The following ARPC1B variants were observed in gnomAD, a reference collection of about 807,000 sequenced individuals.
The protein encoded by ARPC1B is actin-related protein 2/3 complex subunit 1B.
In ARPC1B, 29 loss-of-function variants were observed where a neutral mutation model predicts 46.0. The ratio of observed to expected loss-of-function variants is 0.63; its 90% CI spans 0.47 to 0.86. ARPC1B has a LOEUF of 0.86. Among genes scored for constraint, ARPC1B ranks in the 40% least tolerant of loss-of-function variants. The pLI, the probability that ARPC1B is intolerant of heterozygous loss-of-function variation, is 0.00. For synonymous variants in ARPC1B, 201 were observed against 213.9 expected (o/e 0.94, Z 0.53); for missense variants, 469 against 529.4 (o/e 0.89, Z 1.12).
intron 5 of ARPC1B, 73 bp downstream of exon 5, chr7:99,390,085 C>T (rs777893386): frequency 2.2e-4 from 298 of 1,361,740 alleles, no homozygotes; most frequent in Non-Finnish European, 3.0e-4. Flanking sequence ...GGGAGCCGCA[C>T]CTGAAAGCTC....
intron 1 of ARPC1B, among the ~76,000 whole-genome samples, chr7:99,377,031 A>T (rs1241182976): frequency 2.0e-5 from 3 of 151,862 alleles, no homozygotes; most frequent in Non-Finnish European, 4.4e-5. Context: ...TTTTTTCTGG[A>T]GTCCGGGTCT....
At chr7:99,377,017 T>G (rs563171478) in intron 1 of ARPC1B, among the ~76,000 whole-genome samples, 2 of 152,302 alleles carry the variant, frequency 1.3e-5, no homozygotes, top group East Asian at 3.9e-4. Context: ...ATAGGTCTTT[T>G]TCTTTTTTTC....
At chr7:99,379,378 C>A (rs1794139862) in intron 1 of ARPC1B, among the ~76,000 whole-genome samples, 1 of 152,120 alleles carries the variant, frequency 6.6e-6, no homozygotes, top group South Asian at 2.1e-4. Context: ...GGGCTCTGAC[C>A]CAGCATAGGA....
At chr7:99,387,764 G>A (rs1794439281) in intron 3 of ARPC1B, among the ~76,000 whole-genome samples, 2 of 150,318 alleles carry the variant, frequency 1.3e-5, no homozygotes, top group African/African-American at 4.9e-5. Flanking sequence ...AAAAAGATTG[G>A]TGGTACACAC....
chr7:99,382,732 C>T (rs1794265094), intron 1 of ARPC1B, among the ~76,000 whole-genome samples: 1 of 152,040 alleles, frequency 6.6e-6, no homozygotes, highest in African/African-American at 2.4e-5. Context: ...CCTAGGCCTC[C>T]CAAAGTACTG....
chr7:99,390,012 G>T lies in ARPC1B; in HGVS notation c.500G>T (p.Arg167Leu), dbSNP rs772757150. The T allele has an allele frequency of 1.9e-6, 3 of 1,613,218 alleles. No homozygotes were observed. The highest frequency in any genetic ancestry group is 2.5e-6 in the Non-Finnish European group (3 of 1,179,540). ...LAAGSCDFKCRIFSAYIKEVE... is the reference protein window; with the variant it reads ...LAAGSCDFKCLIFSAYIKEVE... ...GCCGGCTCCTGTGACTTCAAGTGTC[G>T]GTGAGACAGGGCGCCATGGGGGAGG... is the stretch of plus-strand genomic sequence containing the variant. Residue 167 changes from arginine (R) to leucine (L), a missense_variant and splice_region_variant, in exon 5 of 10, where the codon CGG becomes CTG. Physicochemically the swap from Arg to Leu is moderately radical, Grantham distance 102. Transcript: ENST00000646101.
Position 99,386,596 on chromosome 7 carries a change from G to T in ARPC1B, c.65-89G>T, listed in dbSNP as rs575808586. The T allele has an allele frequency of 9.1e-4, 920 of 1,006,382 alleles. 12 individuals carry two copies. The South Asian group carries it at 0.011, about 12-fold the overall frequency. The allele number at this position is 1,006,382 out of a possible 1,614,324, so 62.3% of individuals were successfully genotyped here. On this transcript the variant is annotated intron_variant, in intron 2 of 9. Coordinates refer to ENST00000646101, the MANE Select transcript of ARPC1B (RefSeq NM_005720.4). The stretch of plus-strand genomic sequence containing the variant: ...GAGAGACTGAGTCATGAAAGGTGAG[G>T]TGTTGTTGCCTAGGTGCACTGTGTA...
intron 5 of ARPC1B, among the ~76,000 whole-genome samples, chr7:99,390,534 G>A (rs1274058112): frequency 2.6e-5 from 4 of 151,884 alleles, no homozygotes; most frequent in Non-Finnish European, 5.9e-5. Flanking sequence ...ATGCCACCAT[G>A]CCCGGCTAAT....
chr7:99,386,706 A>G lies in ARPC1B; in HGVS notation c.86A>G (p.Asn29Ser). 6.2e-7 allele frequency: 1 copy of G among 1,614,054 alleles called. No homozygotes were observed. The highest frequency in any genetic ancestry group is 8.5e-7 in the Non-Finnish European group (1 of 1,179,978). Reference protein sequence around the residue: ...DRTQIAICPNNHEVHIYEKSG... With the variant: ...DRTQIAICPNSHEVHIYEKSG... ...TCAGAGATTGCCATCTGCCCCAACA[A>G]CCATGAGGTGCATATCTATGAAAAG... Residue 29 changes from asparagine (N) to serine (S), a missense_variant, in exon 3 of 10, where the codon AAC (asparagine) becomes AGC (serine). Physicochemically the swap from Asn to Ser is conservative, Grantham distance 46. Transcript: ENST00000646101.
chr7:99,394,358 C>A, intron 9 of ARPC1B, 93 bp from the exon 10 acceptor site: 1 of 1,223,860 alleles, frequency 8.2e-7, no homozygotes. Context: ...CTGCCCTCTG[C>A]TGTGCTGGGG....
chr7:99,394,081 A>G lies in ARPC1B; in HGVS notation c.1042A>G (p.Thr348Ala), dbSNP rs996704334. ...GKAKCSQFCT[T>A]GMDGGMSIWD... ...GGCCAAGTGCTCGCAGTTCTGCACC[A>G]CTGGCATGGATGGCGGCATGAGTAT... is the stretch of plus-strand genomic sequence containing the variant. The change falls in exon 9 of 10, where the codon ACT becomes GCT. Residue 348 changes from threonine (T) to alanine (A), a missense_variant. By Grantham distance (58) the Thr-to-Ala change is moderately conservative. Coordinates refer to ENST00000646101, the MANE Select transcript of ARPC1B (RefSeq NM_005720.4). The G allele has an allele frequency of 2.5e-6, 4 of 1,613,524 alleles. No individual in the cohort carries two copies. Among genetic ancestry groups the G allele is most frequent in the Admixed American group, 3.3e-5 (2 of 60,006 alleles).
chr7:99,383,562 T>A lies in ARPC1B; in HGVS notation c.-13-2140T>A, dbSNP rs1364703182. Among the ~76,000 whole-genome samples the A allele has an allele frequency of 2.0e-5, 3 of 152,202 alleles. No homozygotes were observed. In the East Asian group the frequency reaches 5.8e-4, roughly 29 times the overall value. ...TGAGTGCATGTCTGATGGTGACTGCTGAGAAAATTTAATCGGAAATAGGGA... is the reference window on the plus strand; with the variant it reads ...TGAGTGCATGTCTGATGGTGACTGCAGAGAAAATTTAATCGGAAATAGGGA... On this transcript the variant is annotated intron_variant, in intron 1 of 9. Coordinates refer to ENST00000646101, the MANE Select transcript of ARPC1B (RefSeq NM_005720.4).
intron 4 of ARPC1B, 52 bp downstream of exon 4, chr7:99,388,313 TAG>T: frequency 1.3e-6 from 2 of 1,565,986 alleles, no homozygotes; most frequent in East Asian, 2.3e-5. Flanking sequence ...GGGGCAGGAC[TAG>T]AGTGTCCCCG....
chr7:99,393,805 C>A (rs996609670), intron 8 of ARPC1B, among the ~76,000 whole-genome samples: 20 of 152,216 alleles, frequency 1.3e-4, no homozygotes, highest in African/African-American at 4.6e-4. Flanking sequence ...CGCAGACACA[C>A]GTGTCTTTCC....
chr7:99,387,259 T>C (rs149100602), intron 3 of ARPC1B, among the ~76,000 whole-genome samples: 1 of 152,028 alleles, frequency 6.6e-6, no homozygotes, highest in Non-Finnish European at 1.5e-5. Flanking sequence ...CTGGCCAACA[T>C]GACTAAATGT....
chr7:99,387,234 G>A (rs1794419793), intron 3 of ARPC1B, among the ~76,000 whole-genome samples: 1 of 152,180 alleles, frequency 6.6e-6, no homozygotes, highest in African/African-American at 2.4e-5. Flanking sequence ...TTGAGGTCAG[G>A]AGTTCGAGAC....
chr7:99,386,231 A>G, intron 2 of ARPC1B: 2 of 358,678 alleles, frequency 5.6e-6, no homozygotes, highest in Non-Finnish European at 5.4e-6. Context: ...AGCCTGGGCA[A>G]CAAAGCGAGA....
intron 1 of ARPC1B, among the ~76,000 whole-genome samples, chr7:99,378,774 CTTTTTTTTTTTT>C (rs761084621): frequency 3.8e-5 from 4 of 106,554 alleles, no homozygotes; most frequent in Non-Finnish European, 5.2e-5. Flanking sequence ...TTTTCTTTTT[CTTTTTTTTTTTT>C]TTTTTTTTGA....
rs1554350911 is a variant in ARPC1B, at chr7:99,394,779, T to TTA, written c.*290_*291insTA. On this transcript the variant is annotated 3_prime_UTR_variant, in exon 10 of 10. Coordinates refer to ENST00000646101, the MANE Select transcript of ARPC1B (RefSeq NM_005720.4). ...GTGGAGGTAATAAAATGCAACTGTG[T>TTA]AAAAAAAAAAAAAAAAAAAAAAGTA... The TTA allele has an allele frequency of 9.4e-6, 9 of 958,250 alleles. No individual in the cohort carries two copies. The South Asian group carries it at 2.1e-4, about 23-fold the overall frequency. 59.4% of individuals were successfully genotyped at this position (958,250 alleles called of 1,614,324 possible).
Sources: gnomAD v4.1 joint callset for allele counts (sites outside exome capture counted in the v4.1 genomes callset) on GRCh38, gnomAD v4.1.1 for gene constraint, MANE v1.5 for transcripts, NCBI Gene and HGNC (gene_info 2026-07-23, HGNC 2026-07-21) for gene names.